Variants in IL2RB observed in about 807,000 individuals in gnomAD.
The protein encoded by IL2RB is interleukin-2 receptor subunit beta.
A neutral mutation model predicts 44.2 loss-of-function variants in IL2RB; 17 were observed. The ratio of observed to expected loss-of-function variants is 0.38; its 90% CI spans 0.26 to 0.58. IL2RB has a LOEUF of 0.58. Among genes scored for constraint, IL2RB ranks in the 20% least tolerant of loss-of-function variants. IL2RB has a pLI of 0.63. For missense variants in IL2RB, 624 were observed against 685.5 expected (o/e 0.91, Z 1.00); for synonymous variants, 286 against 297.9 (o/e 0.96, Z 0.41).
rs982189602 is a variant in IL2RB, at chr22:37,167,116, T to A, written c.-34+7842A>T. On this transcript the variant is annotated intron_variant, in intron 1 of 5. Transcript: ENST00000429622. ...AAGGACACTCCACCCAAGCAATTTCTCACCTTCCCCTTAATTGGTACAGAT... is the reference window on the plus strand; with the variant it reads ...AAGGACACTCCACCCAAGCAATTTCACACCTTCCCCTTAATTGGTACAGAT... Among the ~76,000 whole-genome samples, 9 of 152,106 alleles carry A rather than the reference T, an allele frequency of 5.9e-5. No individual in the cohort carries two copies. The South Asian group carries it at 1.7e-3, about 28-fold the overall frequency.
intron 1 of IL2RB, among the ~76,000 whole-genome samples, chr22:37,171,388 T>C (rs756683822): frequency 4.6e-5 from 7 of 152,188 alleles, no homozygotes; most frequent in Non-Finnish European, 1.0e-4. Flanking sequence ...ACGCCTGCCC[T>C]TGTGACGCTT....
chr22:37,131,377 T>A (rs977181917), intron 9 of IL2RB, among the ~76,000 whole-genome samples: 16 of 151,836 alleles, frequency 1.1e-4, no homozygotes, highest in African/African-American at 3.6e-4. Flanking sequence ...CACCCCCCAA[T>A]CTTGGGAGCC....
intron 1 of IL2RB, among the ~76,000 whole-genome samples, chr22:37,164,133 G>A (rs896040689): frequency 1.3e-5 from 2 of 152,238 alleles, no homozygotes; most frequent in African/African-American, 4.8e-5. Context: ...GAAAGCAACA[G>A]TCAGCCATGT....
chr22:37,133,610 G>T (rs1313091786), intron 8 of IL2RB, among the ~76,000 whole-genome samples: 2 of 152,148 alleles, frequency 1.3e-5, no homozygotes, highest in East Asian at 1.9e-4. Context: ...CACAACCCCC[G>T]GTCAGAAGTG....
At chr22:37,152,586 C>T (rs1195687860), upstream of IL2RB, among the ~76,000 whole-genome samples, 1 of 152,160 alleles carries the variant, frequency 6.6e-6, no homozygotes, top group African/African-American at 2.4e-5. Flanking sequence ...TTTGTTCTAG[C>T]TAGCACTTCC....
intron 1 of IL2RB, among the ~76,000 whole-genome samples, chr22:37,167,225 A>G (rs895438355): frequency 6.6e-6 from 1 of 151,738 alleles, no homozygotes; most frequent in Non-Finnish European, 1.5e-5. Flanking sequence ...CCCCTCCTGT[A>G]TCCCTTTCCT....
intron 4 of IL2RB, 133 bp from the exon 5 acceptor site, chr22:37,139,355 T>C (rs2146239449): frequency 1.6e-6 from 1 of 632,748 alleles, no homozygotes; most frequent in East Asian, 2.8e-5. Flanking sequence ...GCAGCAAATG[T>C]TTTCTGTAAA....
At chr22:37,134,544 T>C (rs781372084) in intron 8 of IL2RB, among the ~76,000 whole-genome samples, 13 of 152,146 alleles carry the variant, frequency 8.5e-5, no homozygotes, top group Non-Finnish European at 1.8e-4. Context: ...AGGTGGAGGT[T>C]GCAGTGAGTC....
In IL2RB at chr22:37,126,578, A is replaced by AC. The variant is rs1452385762; in HGVS notation, c.*1517dup. On this transcript the variant is annotated 3_prime_UTR_variant, in exon 10 of 10. Coordinates refer to ENST00000216223, the MANE Select transcript of IL2RB (RefSeq NM_000878.5). ...CTGATTGGACAGAGCTTGGTGCCAA[A>AC]CCCCCTCATAGGCTGCTGGTCAGAG... is the stretch of plus-strand genomic sequence containing the variant. 1 of 151,946 alleles carries AC rather than the reference A, an allele frequency of 6.6e-6. No homozygotes were observed. The highest frequency in any genetic ancestry group is 1.5e-5 in the Non-Finnish European group (1 of 67,980). 9.4% of individuals were successfully genotyped at this position (151,946 alleles called of 1,614,324 possible).
rs761873852 is a variant in IL2RB at position 37,128,408 on chromosome 22, A to C, written c.1344T>G (p.Ser448Arg). The C allele has an allele frequency of 9.9e-6, 15 of 1,514,392 alleles. No homozygotes were observed. Among genetic ancestry groups the C allele is most frequent in the Non-Finnish European group, 1.2e-5 (14 of 1,132,596 alleles). The allele number at this position is 1,514,392 out of a possible 1,614,324, so 93.8% of individuals were successfully genotyped here. The change falls in exon 10 of 10, where the codon AGT (serine) becomes AGG (arginine). Residue 448 changes from serine (S) to arginine (R), a missense_variant. Physicochemically the swap from Ser to Arg is moderately radical, Grantham distance 110. Around this residue, in one of 3 missense-constraint regions of IL2RB, gnomAD observed 291 missense variants for 275.5 expected, o/e 1.06. Coordinates refer to ENST00000216223, the MANE Select transcript of IL2RB (RefSeq NM_000878.5). This position sits in a 1 kb window ranked among gnomAD's most constrained non-coding sequence, Gnocchi z 4.5. ...GGGGCATCCTCTCTTCACCGGCCCC[A>C]CTGCCCCCAGGGGCAGTGCTTGGGG... ...PSPPSTAPGG[S>R]GAGEERMPPS...
intron 9 of IL2RB, among the ~76,000 whole-genome samples, chr22:37,129,679 A>G (rs1357722053): frequency 6.6e-6 from 1 of 152,172 alleles, no homozygotes; most frequent in Non-Finnish European, 1.5e-5. Flanking sequence ...GCTGTCACCC[A>G]TCAGGTCACC....
At chr22:37,135,284 T>A in intron 8 of IL2RB, 44 bp downstream of exon 8, 1 of 1,317,932 alleles carries the variant, frequency 7.6e-7, no homozygotes. Flanking sequence ...GTGTGCACGT[T>A]GGAGGGGTGG....
At chr22:37,157,262 C>T (rs1302541757) in intron 1 of IL2RB, among the ~76,000 whole-genome samples, 2 of 152,156 alleles carry the variant, frequency 1.3e-5, no homozygotes, top group Non-Finnish European at 2.9e-5. Context: ...TCACTGGAGG[C>T]GCCCCACCCA....
chr22:37,135,236 G>GTA, intron 8 of IL2RB, 92 bp downstream of exon 8: 1 of 785,832 alleles, frequency 1.3e-6, no homozygotes, highest in Non-Finnish European at 2.2e-6. Context: ...GTGTGTGTAT[G>GTA]TGTGCTTGTG....
At chr22:37,164,981 G>A (rs369763535) in intron 1 of IL2RB, among the ~76,000 whole-genome samples, 3 of 151,670 alleles carry the variant, frequency 2.0e-5, no homozygotes, top group Non-Finnish European at 3.0e-5. Flanking sequence ...CAGCCCTCCC[G>A]AGCCAGAATC....
intron 8 of IL2RB, among the ~76,000 whole-genome samples, chr22:37,133,859 A>G (rs749526297): frequency 6.6e-6 from 1 of 151,994 alleles, no homozygotes; most frequent in African/African-American, 2.4e-5. Flanking sequence ...GCGCCCCTGC[A>G]CTCTGTTCCT....
chr22:37,135,217 A>AGT (rs3830742), intron 8 of IL2RB, 111 bp downstream of exon 8: 151,721 of 671,328 alleles, frequency 0.23, 11,558 homozygotes, highest in Admixed American at 0.29. Context: ...TGTTCATGTA[A>AGT]GTGTGTGTGT....
upstream of IL2RB, among the ~76,000 whole-genome samples, chr22:37,153,517 T>C (rs1047694241): frequency 5.3e-5 from 8 of 152,224 alleles, no homozygotes; most frequent in African/African-American, 1.9e-4. Flanking sequence ...GACCACGCAC[T>C]GCAGGCTTGC....
chr22:37,143,978 T>C (rs1286286735), intron 2 of IL2RB, 107 bp downstream of exon 2: 2 of 1,475,214 alleles, frequency 1.4e-6, no homozygotes, highest in African/African-American at 2.9e-5. Context: ...AGGCAGGAGG[T>C]GGACACCTGG....
Sources: gnomAD v4.1 joint callset for allele counts (sites outside exome capture counted in the v4.1 genomes callset) on GRCh38, gnomAD v4.1.1 for gene constraint, gnomAD v4.1.1 regional missense constraint, Gnocchi (gnomAD v3.1) non-coding constraint, MANE v1.5 for transcripts, NCBI Gene and HGNC (gene_info 2026-07-23, HGNC 2026-07-21) for gene names.